Variants in STXBP2 observed in about 807,000 individuals in gnomAD.
The protein encoded by STXBP2 is syntaxin binding protein 2.
A neutral mutation model predicts 72.2 loss-of-function variants in STXBP2; 47 were observed. The ratio of observed to expected loss-of-function variants is 0.65; its 90% CI spans 0.51 to 0.83. The LOEUF (loss-of-function observed/expected upper bound fraction) is 0.83. STXBP2 is among the 40% of genes least tolerant of loss of function. STXBP2 has a pLI of 0.00. For missense variants in STXBP2, 702 were observed against 807.6 expected (o/e 0.87, Z 1.58); for synonymous variants, 367 against 338.7 (o/e 1.08, Z -0.92).
intron 15 of STXBP2, chr19:7,645,514 G>A (rs1197644878): frequency 3.5e-6 from 2 of 574,380 alleles, no homozygotes; most frequent in Non-Finnish European, 3.1e-6. Context: ...CAATAGGCAG[G>A]GGAAGTGAGA....
intron 15 of STXBP2, 56 bp downstream of exon 15, chr19:7,645,362 G>A (rs578069764): frequency 2.0e-6 from 3 of 1,497,384 alleles, no homozygotes; most frequent in African/African-American, 2.8e-5. Context: ...TCACAGCCGG[G>A]GCTCTGCAAG....
chr19:7,642,692 C>T lies in STXBP2; in HGVS notation c.903-74C>T. The T allele has an allele frequency of 1.3e-6, 2 of 1,512,810 alleles. No individual in the cohort carries two copies. 93.7% of individuals were successfully genotyped at this position (1,512,810 alleles called of 1,614,324 possible). On this transcript the variant is annotated intron_variant, in intron 10 of 18. Transcript: ENST00000221283. The surrounding 1 kb of genome is among the most constrained non-coding windows in gnomAD (Gnocchi z 6.0). ...CAATTTCACCCCACCTCTCCCTGTC[C>T]CCCCTGAGTGGGCTCACCCATGGCC... is the stretch of plus-strand genomic sequence containing the variant.
chr19:7,638,668 G>A (rs1273652436), intron 1 of STXBP2, 58 bp from the exon 2 acceptor site: 2 of 1,588,846 alleles, frequency 1.3e-6, no homozygotes. Context: ...GAGAAGGCTT[G>A]GGGCAGTGGT....
chr19:7,640,428 A>C, intron 4 of STXBP2: 2 of 584,994 alleles, frequency 3.4e-6, no homozygotes, highest in East Asian at 3.5e-5. Flanking sequence ...GTGCGCGCGC[A>C]TCTGTGTGTG....
upstream of STXBP2, chr19:7,632,458 G>T: frequency 6.2e-7 from 1 of 1,613,896 alleles, no homozygotes; most frequent in Non-Finnish European, 8.5e-7. This position sits in a 1 kb window ranked among gnomAD's most constrained non-coding sequence, Gnocchi z 5.2. Context: ...TCCATGCGGC[G>T]GCCCTGGGTA....
the STXBP2 span, chr19:7,630,707 G>C: frequency 6.5e-7 from 1 of 1,531,828 alleles, no homozygotes; most frequent in Non-Finnish European, 8.8e-7. Flanking sequence ...GGTGGGAGAG[G>C]GTGTGGGGCA....
intron 16 of STXBP2, chr19:7,646,761 G>T (rs1001683017): frequency 2.6e-6 from 1 of 391,752 alleles, no homozygotes; most frequent in East Asian, 5.5e-5. Flanking sequence ...CAGAGACCTG[G>T]GCCTCCTCAT....
the STXBP2 span, chr19:7,631,058 C>T: frequency 5.3e-6 from 4 of 758,326 alleles, no homozygotes; most frequent in Non-Finnish European, 6.2e-6. Flanking sequence ...AAATACAAAA[C>T]TTAGCCAGGC....
intron 13 of STXBP2, 44 bp from the exon 14 acceptor site, chr19:7,644,570 C>T (rs202136930): frequency 6.8e-6 from 11 of 1,606,098 alleles, no homozygotes; most frequent in Non-Finnish European, 9.3e-6. Context: ...CATCCCCTTC[C>T]CTGACACATA....
chr19:7,640,785 G>T lies in STXBP2; in HGVS notation c.301G>T (p.Ala101Ser). The T allele has an allele frequency of 6.2e-7, 1 of 1,614,176 alleles. No homozygotes were observed. The highest frequency in any genetic ancestry group is 1.1e-5 in the South Asian group (1 of 91,092). ...FQGTPTFTYK[A>S]AHIFFTDTCP... ...GGGGACCCCGACTTTCACCTACAAA[G>T]CGGCCCATATCTTCTTCACCGACAG... Residue 101 changes from alanine to serine, a missense_variant, in exon 5 of 19, where the codon GCG becomes TCG. Physicochemically the swap from Ala to Ser is moderately conservative, Grantham distance 99 (BLOSUM62 1). Coordinates refer to ENST00000221283, the MANE Select transcript of STXBP2 (RefSeq NM_006949.4).
intron 16 of STXBP2, chr19:7,646,728 G>A (rs1001075470): frequency 1.1e-4 from 43 of 391,494 alleles, no homozygotes; most frequent in Non-Finnish European, 7.1e-5. Flanking sequence ...TAAGAGCCCC[G>A]GCCCCTCTTT....
chr19:7,636,958 G>A, upstream of STXBP2: 2 of 484,784 alleles, frequency 4.1e-6, no homozygotes, highest in Non-Finnish European at 6.5e-6. Context: ...TCGGCAGCGC[G>A]GACGCACCTG....
At chr19:7,640,416 G>GTT (rs529174822) in intron 4 of STXBP2, 9 of 595,146 alleles carry the variant, frequency 1.5e-5, no homozygotes, top group South Asian at 1.4e-4. Context: ...GTGTATGTAT[G>GTT]TGTGCGCGCG....
At chr19:7,637,005 T>TG, upstream of STXBP2, 1 of 936,102 alleles carries the variant, frequency 1.1e-6, no homozygotes, top group Non-Finnish European at 1.4e-6. Flanking sequence ...TTCCTGGGCC[T>TG]GGGCGAGAAC....
chr19:7,641,870 G>GGCCCCCCCCC lies in STXBP2; in HGVS notation c.578+17_578+18insGCCCCCCCCC. The GGCCCCCCCCC allele has an allele frequency of 1.5e-6, 1 of 648,152 alleles. No individual in the cohort carries two copies. Among genetic ancestry groups the GGCCCCCCCCC allele is most frequent in the Non-Finnish European group, 2.3e-6 (1 of 439,776 alleles). 40.2% of individuals were successfully genotyped at this position (648,152 alleles called of 1,614,324 possible). A position where few individuals can be genotyped will look rare whatever the true frequency, so the allele number is the denominator to read the frequency against. On this transcript the variant is annotated intron_variant, in intron 7 of 18. Transcript: ENST00000221283. ...CTACCGCAAGTGGGGACCCCACCCA[G>GGCCCCCCCCC]CCCCACCCCGATGCCGACCCCCCCT... is the stretch of plus-strand genomic sequence containing the variant.
In STXBP2 at chr19:7,643,176, C is replaced by T; in HGVS notation, c.1038C>T (p.His346=). 2 of 1,614,134 alleles carry T rather than the reference C, an allele frequency of 1.2e-6. No individual in the cohort carries two copies. Among genetic ancestry groups the T allele is most frequent in the Non-Finnish European group, 8.5e-7 (1 of 1,180,006 alleles). Residue 346 remains histidine, a synonymous_variant, in exon 13 of 19, where the codon CAC becomes CAT. Coordinates refer to ENST00000221283, the MANE Select transcript of STXBP2 (RefSeq NM_006949.4). The part of the protein sequence containing the change: ...YQKELNKYST[H]LHLADDCMKH... ...CCTGCACCCTGCAGTATTCTACGCA[C>T]CTGCATCTAGCAGATGATTGTATGA... is the stretch of plus-strand genomic sequence containing the variant.
chr19:7,633,425 G>T, upstream of STXBP2: 1 of 1,575,732 alleles, frequency 6.3e-7, no homozygotes. Context: ...AGGGGCCTGA[G>T]CCTTCCTCCG....
chr19:7,630,147 T>A, the STXBP2 span: 23 of 448,976 alleles, frequency 5.1e-5, 1 homozygote. Context: ...AGACTTAAGA[T>A]CCTGGGGGAG....
chr19:7,632,125 T>G, upstream of STXBP2: 1 of 575,724 alleles, frequency 1.7e-6, no homozygotes, highest in Non-Finnish European at 3.0e-6. This position sits in a 1 kb window ranked among gnomAD's most constrained non-coding sequence, Gnocchi z 5.2. Context: ...TAGGAAGGGG[T>G]CCTATTTTCT....
Sources: allele counts gnomAD v4.1 joint callset, GRCh38; gene constraint gnomAD v4.1.1; non-coding constraint Gnocchi (gnomAD v3.1); transcripts MANE v1.5; gene names NCBI Gene and HGNC (gene_info 2026-07-23, HGNC 2026-07-21).